The following CBLB variants were observed in gnomAD, a reference collection of about 807,000 sequenced individuals.
CBLB encodes Cbl proto-oncogene B.
Under a neutral mutation model 104.9 loss-of-function variants are expected in CBLB, and 31 were observed. The observed-to-expected ratio is 0.30, with a 90% CI of 0.22 to 0.40. CBLB has a LOEUF of 0.40. Among genes scored for constraint, CBLB ranks in the 10% least tolerant of loss-of-function variants. The pLI is 1.00. For missense variants in CBLB, 1,062 were observed against 1,214.6 expected, an observed-to-expected ratio of 0.87 and a Z score of 1.87; for synonymous variants, 440 against 422.6, an observed-to-expected ratio of 1.04 and a Z score of -0.51.
chr3:105,851,298 G>A lies in CBLB; in HGVS notation c.419+2116C>T, dbSNP rs116645996. 8.5e-3 allele frequency among the ~76,000 whole-genome samples: 1,300 copies of A among 152,268 alleles called. 18 individuals are homozygous for A. Among genetic ancestry groups the A allele is most frequent in the African/African-American group, 0.029 (1,197 of 41,538 alleles). On this transcript the variant is annotated intron_variant, in intron 3 of 18. Transcript: ENST00000394030. ...CCAATCTGAAAAAGTTACATATTGT[G>A]TGAGTCCAACTATGTAACACTGTGG...
intron 4 of CBLB, among the ~76,000 whole-genome samples, chr3:105,767,599 G>T (rs1363916434): frequency 1.5e-5 from 2 of 137,268 alleles, no homozygotes; most frequent in Non-Finnish European, 3.1e-5. Flanking sequence ...TACAGAGTAT[G>T]AAACTTCCAT....
intron 7 of CBLB, 56 bp from the exon 8 acceptor site, chr3:105,737,314 A>C: frequency 1.2e-6 from 1 of 866,842 alleles, no homozygotes; most frequent in South Asian, 1.6e-5. Flanking sequence ...ATTGCATTTA[A>C]GGATATTTAA....
At chr3:105,822,176 C>T (rs2153059689) in intron 3 of CBLB, among the ~76,000 whole-genome samples, 2 of 152,134 alleles carry the variant, frequency 1.3e-5, no homozygotes, top group African/African-American at 4.8e-5. Flanking sequence ...TATACAATGG[C>T]AGTGTTGAAC....
chr3:105,843,821 A>C (rs1011424361), intron 3 of CBLB, among the ~76,000 whole-genome samples: 8 of 152,188 alleles, frequency 5.3e-5, no homozygotes, highest in Admixed American at 3.3e-4. Context: ...CAAGTTTTTC[A>C]AACCTCCATG....
At chr3:105,834,828 C>CT (rs141287245) in intron 3 of CBLB, among the ~76,000 whole-genome samples, 4,146 of 152,248 alleles carry the variant, frequency 0.027, 85 homozygotes, top group Non-Finnish European at 0.042. Flanking sequence ...ATGTGCCCTG[C>CT]TTTTACCTTG....
intron 18 of CBLB, among the ~76,000 whole-genome samples, chr3:105,669,561 G>A (rs553720484): frequency 1.3e-5 from 2 of 152,280 alleles, no homozygotes; most frequent in African/African-American, 2.4e-5. Flanking sequence ...TCTCCAAAGT[G>A]TTAATACTTT....
At chr3:105,770,383 C>T (rs1231177326) in intron 4 of CBLB, among the ~76,000 whole-genome samples, 1 of 152,132 alleles carries the variant, frequency 6.6e-6, no homozygotes, top group Non-Finnish European at 1.5e-5. Flanking sequence ...CTTCACCCTT[C>T]CAATAGCTGG....
At chr3:105,704,554 C>G (rs945452626) in intron 10 of CBLB, among the ~76,000 whole-genome samples, 2 of 151,860 alleles carry the variant, frequency 1.3e-5, no homozygotes, top group Middle Eastern at 3.2e-3. Flanking sequence ...TTTTTTTGCT[C>G]GAGCTTTGTA....
At position 105,656,128 on chromosome 3, in the gene CBLB, G is replaced by A. The variant is rs191812888; in HGVS notation, c.*2842C>T. On this transcript the variant is annotated 3_prime_UTR_variant, in exon 19 of 19. Coordinates refer to ENST00000394030, the MANE Select transcript of CBLB (RefSeq NM_170662.5). ...TGGTGAGATATATCATACATTAGGGGATAAAACAGATTATGGAGATAAATT... is the reference window on the plus strand; with the variant it reads ...TGGTGAGATATATCATACATTAGGGAATAAAACAGATTATGGAGATAAATT... 9.1e-6 allele frequency: 2 copies of A among 220,638 alleles called. No individual in the cohort carries two copies. Among genetic ancestry groups the A allele is most frequent in the Non-Finnish European group, 1.8e-5 (2 of 110,276 alleles). The allele number at this position is 220,638 out of a possible 1,614,324, so 13.7% of individuals were successfully genotyped here.
intron 5 of CBLB, among the ~76,000 whole-genome samples, chr3:105,750,168 A>C (rs1323925760): frequency 6.6e-6 from 1 of 152,028 alleles, no homozygotes; most frequent in Non-Finnish European, 1.5e-5. Context: ...ACAGGTGCTC[A>C]TCACCACGCC....
rs1560084339 is a variant in CBLB, at chr3:105,751,564, A to C, written c.621T>G (p.Ile207Met). Reference protein sequence around the residue: ...FRQCLHEVHQISSGLEAMALK... With the variant: ...FRQCLHEVHQMSSGLEAMALK... ...GAGCCATTGCTTCCAGGCCAGAGCT[A>C]ATCTGGTGGACCTCATGAAGGCACT... is the stretch of plus-strand genomic sequence containing the variant. Residue 207 changes from isoleucine (I) to methionine (M), a missense_variant, in exon 5 of 19, where the codon ATT (isoleucine) becomes ATG (methionine). Physicochemically the swap from Ile to Met is conservative, Grantham distance 10. This residue lies in a region of CBLB where 457 missense variants were observed against 632.0 expected (regional missense o/e 0.72). Transcript: ENST00000394030. 3 of 1,611,406 alleles carry C rather than the reference A, an allele frequency of 1.9e-6. No homozygotes were observed. The highest frequency in any genetic ancestry group is 2.5e-6 in the Non-Finnish European group (3 of 1,177,556).
chr3:105,777,062 A>T (rs1171163511), intron 3 of CBLB, among the ~76,000 whole-genome samples: 2 of 152,238 alleles, frequency 1.3e-5, no homozygotes, highest in East Asian at 3.8e-4. Flanking sequence ...GTACTAATAC[A>T]AAAGTATAAA....
At chr3:105,679,215 C>G (rs370826590) in intron 16 of CBLB, among the ~76,000 whole-genome samples, 3 of 151,866 alleles carry the variant, frequency 2.0e-5, no homozygotes, top group Admixed American at 6.6e-5. Flanking sequence ...CCAAGCACTA[C>G]TTACATTTGC....
At chr3:105,829,703 C>CAAAAAAAAAAAAAAAAAAAA (rs1553844797) in intron 3 of CBLB, among the ~76,000 whole-genome samples, 1 of 60,104 alleles carries the variant, frequency 1.7e-5, no homozygotes, top group African/African-American at 5.4e-5. Flanking sequence ...AAAAAAAAAC[C>CAAAAAAAAAAAAAAAAAAAA]AAACTGCAGC....
Position 105,702,143 on chromosome 3 carries a change from A to C in CBLB, c.1910T>G (p.Val637Gly). 6.2e-7 allele frequency: 1 copy of C among 1,614,154 alleles called. No individual in the cohort carries two copies. The highest frequency in any genetic ancestry group is 8.5e-7 in the Non-Finnish European group (1 of 1,180,030). ...ATGGCGTCTGTGTTTCCGCATAAGC[A>C]CTGGGTCAGAGCCCACTCTACTGTG... ...GRHSRVGSDP[V>G]LMRKHRRHDL... is the part of the protein sequence containing the mutation. The change falls in exon 12 of 19, where the codon GTG (valine) becomes GGG (glycine). Residue 637 changes from valine (V) to glycine (G), a missense_variant. Physicochemically the swap from Val to Gly is moderately radical, Grantham distance 109 (BLOSUM62 -3). Transcript: ENST00000394030.
At chr3:105,788,795 A>C (rs1458260160) in intron 3 of CBLB, among the ~76,000 whole-genome samples, 1 of 152,186 alleles carries the variant, frequency 6.6e-6, no homozygotes, top group Non-Finnish European at 1.5e-5. Flanking sequence ...TGCTTTACTC[A>C]ATAGAATGTG....
intron 16 of CBLB, among the ~76,000 whole-genome samples, chr3:105,680,782 G>A (rs889056542): frequency 6.6e-6 from 1 of 152,154 alleles, no homozygotes; most frequent in African/African-American, 2.4e-5. Flanking sequence ...ACTTGTTATT[G>A]TGAAGCGTTA....
intron 6 of CBLB, among the ~76,000 whole-genome samples, chr3:105,741,242 G>A (rs1034637778): frequency 1.3e-5 from 2 of 152,078 alleles, no homozygotes; most frequent in African/African-American, 4.8e-5. Context: ...AGGCTGTAGT[G>A]CAGTGGCGCC....
At chr3:105,715,502 T>C (rs549093078) in intron 10 of CBLB, among the ~76,000 whole-genome samples, 1 of 152,302 alleles carries the variant, frequency 6.6e-6, no homozygotes, top group South Asian at 2.1e-4. Context: ...GATATCACCA[T>C]GGTAACAGGA....
Sources: allele counts gnomAD v4.1 joint callset (sites outside exome capture counted in the v4.1 genomes callset), GRCh38; gene constraint gnomAD v4.1.1; regional missense constraint gnomAD v4.1.1; transcripts MANE v1.5; gene names NCBI Gene and HGNC (gene_info 2026-07-23, HGNC 2026-07-21).